Variants in CFAP52 observed in about 807,000 individuals in gnomAD.
CFAP52 encodes cilia and flagella associated protein 52, also known as cilia- and flagella-associated protein 52.
CFAP52 carries 57 observed loss-of-function variants against 70.5 expected under a neutral mutation model. The observed-to-expected ratio is 0.81, with a 90% CI of 0.65 to 1.01. The LOEUF is 1.01. Ranked by LOEUF, CFAP52 falls within the 50% of genes least tolerant of loss-of-function variation. The pLI is 0.00. For synonymous variants in CFAP52, 267 were observed against 292.5 expected, an observed-to-expected ratio of 0.91 and a Z score of 0.89; for missense variants, 785 against 788.5, an observed-to-expected ratio of 1.00 and a Z score of 0.05.
chr17:9,598,352 A>G lies in CFAP52; in HGVS notation c.636+19A>G. ...TATTGGAGTAAGTATTAATTTAAGTATTAAGTAACAATTAGCACACGTTCC... is the reference window on the plus strand; with the variant it reads ...TATTGGAGTAAGTATTAATTTAAGTGTTAAGTAACAATTAGCACACGTTCC... On this transcript the variant is annotated intron_variant, in intron 5 of 13. Transcript: ENST00000352665. 1.3e-6 allele frequency: 2 copies of G among 1,594,246 alleles called. No homozygotes were observed. The highest frequency in any genetic ancestry group is 2.7e-5 in the African/African-American group (2 of 74,466).
intron 8 of CFAP52, among the ~76,000 whole-genome samples, chr17:9,627,558 G>C (rs1162866165): frequency 6.6e-6 from 1 of 152,042 alleles, no homozygotes; most frequent in East Asian, 1.9e-4. Flanking sequence ...TCACAGGAAA[G>C]GGTTTGTTTA....
chr17:9,588,069 A>G (rs904795585), intron 3 of CFAP52, among the ~76,000 whole-genome samples: 2 of 152,170 alleles, frequency 1.3e-5, no homozygotes, highest in African/African-American at 4.8e-5. Context: ...AAGTGGCCAG[A>G]GTGAGCATCT....
At chr17:9,640,008 T>A (rs1274166170) in intron 12 of CFAP52, among the ~76,000 whole-genome samples, 1 of 152,086 alleles carries the variant, frequency 6.6e-6, no homozygotes, top group Non-Finnish European at 1.5e-5. Context: ...TACTATGAAA[T>A]CAGAACTTTT....
Position 9,641,780 on chromosome 17 carries a change from G to A in CFAP52, c.1632G>A (p.Leu544=). The A allele has an allele frequency of 6.2e-7, 1 of 1,614,062 alleles. No homozygotes were observed. The highest frequency in any genetic ancestry group is 8.5e-7 in the Non-Finnish European group (1 of 1,179,932). ...GTVIRELEGS[L]SGSINGMDIT... Reference sequence around the variant, plus strand: ...TAATCAGAGAATTGGAAGGTTCCCTGTCTGGGTCGATAAATGGCATGGATA... The same window carrying A: ...TAATCAGAGAATTGGAAGGTTCCCTATCTGGGTCGATAAATGGCATGGATA... Residue 544 remains leucine, a synonymous_variant, in exon 13 of 14, where the codon CTG becomes CTA. Transcript: ENST00000352665.
chr17:9,636,642 T>A (rs1344563874), intron 11 of CFAP52, among the ~76,000 whole-genome samples: 1 of 151,936 alleles, frequency 6.6e-6, no homozygotes, highest in Admixed American at 6.6e-5. Flanking sequence ...TATCACTGCA[T>A]ACGAGAGACG....
intron 9 of CFAP52, among the ~76,000 whole-genome samples, chr17:9,629,437 C>G (rs1335726466): frequency 6.6e-6 from 1 of 152,154 alleles, no homozygotes; most frequent in East Asian, 1.9e-4. Context: ...AAAATGGTGA[C>G]ACCAGGAAAC....
At chr17:9,644,166 C>T (rs982209880), downstream of CFAP52, among the ~76,000 whole-genome samples, 4 of 152,126 alleles carry the variant, frequency 2.6e-5, no homozygotes, top group African/African-American at 9.7e-5. Context: ...TCTTGTCGCC[C>T]GGCTGGAGTG....
rs1908681543 is a variant in CFAP52, at chr17:9,590,129, G to C, written c.407+3295G>C. ...CCCTCCACCTTCAGGTACAAGCTGT[G>C]ATACGTGTGGTGATCAATCTTCTTC... On this transcript the variant is annotated intron_variant, in intron 3 of 13. Transcript: ENST00000352665. 2 of 201,936 alleles carry C rather than the reference G, an allele frequency of 9.9e-6. 1 individual carries two copies. Among genetic ancestry groups the C allele is most frequent in the South Asian group, 2.1e-4 (2 of 9,402 alleles). 12.5% of individuals were successfully genotyped at this position (201,936 alleles called of 1,614,324 possible).
chr17:9,584,878 C>T (rs899767149), intron 1 of CFAP52, among the ~76,000 whole-genome samples: 21 of 152,142 alleles, frequency 1.4e-4, no homozygotes, highest in African/African-American at 4.6e-4. Flanking sequence ...CTGCCTCGGC[C>T]TCCCAAGTGC....
At chr17:9,609,733 T>G (rs1909643586) in intron 7 of CFAP52, among the ~76,000 whole-genome samples, 1 of 151,700 alleles carries the variant, frequency 6.6e-6, no homozygotes, top group Admixed American at 6.6e-5. Context: ...AAAAAAGCAG[T>G]GTATACATTG....
At chr17:9,577,101 C>T (rs954898122) in intron 1 of CFAP52, among the ~76,000 whole-genome samples, 5 of 152,208 alleles carry the variant, frequency 3.3e-5, no homozygotes, top group Non-Finnish European at 5.9e-5. Context: ...CTTCCTGGCT[C>T]TGAACCCCAC....
chr17:9,609,239 G>A (rs1909626467), intron 7 of CFAP52, among the ~76,000 whole-genome samples: 2 of 150,954 alleles, frequency 1.3e-5, no homozygotes, highest in African/African-American at 2.4e-5. Flanking sequence ...CATAAAAGAT[G>A]AAAAAAAAAA....
intron 4 of CFAP52, among the ~76,000 whole-genome samples, chr17:9,597,327 C>T (rs1567624396): frequency 6.6e-6 from 1 of 151,856 alleles, no homozygotes; most frequent in Admixed American, 6.6e-5. Flanking sequence ...GAGTATAGTT[C>T]GTAATATATT....
chr17:9,633,924 G>T (rs1016050564), intron 10 of CFAP52, among the ~76,000 whole-genome samples: 2 of 151,294 alleles, frequency 1.3e-5, no homozygotes, highest in East Asian at 2.0e-4. Context: ...CTCGTGATCC[G>T]CCTGCCTCGG....
intron 9 of CFAP52, among the ~76,000 whole-genome samples, chr17:9,632,139 G>A (rs939923024): frequency 1.2e-4 from 18 of 151,738 alleles, no homozygotes; most frequent in South Asian, 6.3e-4. Context: ...GTGCAGTGGC[G>A]GACTCTTGGC....
At chr17:9,582,110 A>C (rs1442449675) in intron 1 of CFAP52, among the ~76,000 whole-genome samples, 1 of 152,244 alleles carries the variant, frequency 6.6e-6, no homozygotes, top group East Asian at 1.9e-4. Flanking sequence ...AACAAAAATA[A>C]ATCTGAAGAA....
chr17:9,581,490 A>G (rs954719792), intron 1 of CFAP52, among the ~76,000 whole-genome samples: 1 of 151,540 alleles, frequency 6.6e-6, no homozygotes, highest in African/African-American at 2.4e-5. Context: ...ATATGAGCCT[A>G]TTACAGTTTA....
intron 11 of CFAP52, 111 bp from the exon 12 acceptor site, chr17:9,638,498 T>A: frequency 1.1e-6 from 1 of 913,008 alleles, no homozygotes; most frequent in Non-Finnish European, 1.7e-6. Flanking sequence ...ATGTTTGGCA[T>A]GGAGATAAAC....
chr17:9,626,417 A>C (rs1229064949), intron 8 of CFAP52, among the ~76,000 whole-genome samples: 6 of 152,180 alleles, frequency 3.9e-5, no homozygotes, highest in Admixed American at 2.0e-4. Context: ...TTTAGTAGAT[A>C]CAGCGTTTTG....
Sources: gnomAD v4.1 joint callset for allele counts (sites outside exome capture counted in the v4.1 genomes callset) on GRCh38, gnomAD v4.1.1 for gene constraint, MANE v1.5 for transcripts, NCBI Gene and HGNC (gene_info 2026-07-23, HGNC 2026-07-21) for gene names.